NPM2: variants seen among roughly 807,000 people sequenced by gnomAD.
NPM2 encodes the protein nucleophosmin/nucleoplasmin 2.
In NPM2, 25 loss-of-function variants were observed where a neutral mutation model predicts 32.0. That is an observed-to-expected ratio of 0.78 (90% confidence interval 0.57 to 1.09). NPM2 has a LOEUF of 1.09. Among genes scored for constraint, NPM2 ranks in the 50% least tolerant of loss-of-function variants. The pLI, the probability that NPM2 is intolerant of heterozygous loss-of-function variation, is 0.00. For synonymous variants in NPM2, 111 were observed against 94.2 expected (o/e 1.18, Z -1.04); for missense variants, 282 against 259.9 (o/e 1.08, Z -0.58).
chr8:22,025,561 G>C (rs376082122), intron 4 of NPM2, 40 bp downstream of exon 4: 148 of 1,613,434 alleles, frequency 9.2e-5, no homozygotes, highest in Non-Finnish European at 1.2e-4. Context: ...TGGTGTCCGG[G>C]AACTTTCTGG....
chr8:22,033,233 A>G lies in NPM2; in HGVS notation c.364+10A>G. 1 of 1,611,138 alleles carries G rather than the reference A, an allele frequency of 6.2e-7. No homozygotes were observed. The highest frequency in any genetic ancestry group is 1.3e-5 in the African/African-American group (1 of 74,940). On this transcript the variant is annotated intron_variant, in intron 6 of 9. Coordinates refer to ENST00000518119, the MANE Select transcript of NPM2 (RefSeq NM_001286680.2). ...GGCCAGGAACGTTATGGTAAGTCAGAGCCTGCGATCAGGAAGGTCCGTGAG... is the reference window on the plus strand; with the variant it reads ...GGCCAGGAACGTTATGGTAAGTCAGGGCCTGCGATCAGGAAGGTCCGTGAG...
At chr8:22,035,981 G>A (rs552184595) in intron 8 of NPM2, among the ~76,000 whole-genome samples, 1 of 146,952 alleles carries the variant, frequency 6.8e-6, no homozygotes, top group African/African-American at 2.5e-5. Flanking sequence ...AACCCTGAAA[G>A]AAAATACACC....
At position 22,036,849 on chromosome 8, in the gene NPM2, C is replaced by G. The variant is rs1233725758; in HGVS notation, c.*167C>G. 1.5e-6 allele frequency: 1 copy of G among 651,232 alleles called. No individual in the cohort carries two copies. Among genetic ancestry groups the G allele is most frequent in the East Asian group, 3.0e-5 (1 of 33,204 alleles). The allele number at this position is 651,232 out of a possible 1,614,324, so 40.3% of individuals were successfully genotyped here. On this transcript the variant is annotated 3_prime_UTR_variant, in exon 10 of 10. Transcript: ENST00000518119. Reference sequence around the variant, plus strand: ...CCAACTCTCCACTTTCAGGAGGCCCCCAGTGAAGAGCCCCACCTCGGGGTC... The same window carrying G: ...CCAACTCTCCACTTTCAGGAGGCCCGCAGTGAAGAGCCCCACCTCGGGGTC...
Position 22,027,153 on chromosome 8 carries a change from T to G in NPM2, c.270+1381T>G, listed in dbSNP as rs190000848. ...GCCCTTTTTTTTACCTGTATACATG[T>G]GAGGTTGGCCTATAAGTGATAGTAT... On this transcript the variant is annotated intron_variant, in intron 5 of 9. Coordinates refer to ENST00000518119, the MANE Select transcript of NPM2 (RefSeq NM_001286680.2). Among the ~76,000 whole-genome samples the G allele has an allele frequency of 1.4e-3, 212 of 152,290 alleles. 1 individual carries two copies. The highest frequency in any genetic ancestry group is 5.8e-3 in the Admixed American group (88 of 15,304).
intron 8 of NPM2, chr8:22,036,289 G>A: frequency 1.8e-6 from 1 of 542,686 alleles, no homozygotes; most frequent in Non-Finnish European, 3.2e-6. Flanking sequence ...ATAACTAAAT[G>A]AAGATGGAAG....
At position 22,025,192 on chromosome 8, in the gene NPM2, C is replaced by T. The variant is rs1800195252; in HGVS notation, c.-33-24C>T. On this transcript the variant is annotated intron_variant, in intron 2 of 9. Coordinates refer to ENST00000518119, the MANE Select transcript of NPM2 (RefSeq NM_001286680.2). ...GAGGGTCAGGGTCAGGGAGCAAGGC[C>T]TCACGCGGGCGCCCTCCTTGCAGCT... 3.8e-6 allele frequency: 6 copies of T among 1,583,480 alleles called. No individual in the cohort carries two copies. In the South Asian group the frequency reaches 4.6e-5, roughly 12 times the overall value.
chr8:22,025,419 C>T lies in NPM2; in HGVS notation c.59-17C>T, dbSNP rs762378148. The T allele has an allele frequency of 1.2e-6, 2 of 1,612,612 alleles. No homozygotes were observed. The highest frequency in any genetic ancestry group is 2.7e-5 in the African/African-American group (2 of 74,900). On this transcript the variant is annotated splice_polypyrimidine_tract_variant and intron_variant, in intron 3 of 9. Coordinates refer to ENST00000518119, the MANE Select transcript of NPM2 (RefSeq NM_001286680.2). The stretch of plus-strand genomic sequence containing the variant: ...AACGAATGGAGGGCCCCACTTCCCT[C>T]CCTTTCTCCTCCGCAGGCTGCGAGC...
chr8:22,031,485 GC>G (rs550811283), intron 5 of NPM2, among the ~76,000 whole-genome samples: 169 of 152,254 alleles, frequency 1.1e-3, no homozygotes, highest in African/African-American at 4.0e-3. Context: ...TTGTTCTGTC[GC>G]CCAGGCTGGC....
At chr8:22,029,335 G>A (rs1229157717) in intron 5 of NPM2, among the ~76,000 whole-genome samples, 1 of 152,088 alleles carries the variant, frequency 6.6e-6, no homozygotes, top group African/African-American at 2.4e-5. Context: ...GTAGAGACAG[G>A]GATTCACCAC....
intron 5 of NPM2, among the ~76,000 whole-genome samples, chr8:22,026,589 G>T (rs1341663137): frequency 6.6e-6 from 1 of 151,774 alleles, no homozygotes; most frequent in African/African-American, 2.4e-5. Flanking sequence ...GGAGTAGCTG[G>T]GATTACAGGT....
chr8:22,028,800 T>C (rs1228659401), intron 5 of NPM2, among the ~76,000 whole-genome samples: 1 of 152,238 alleles, frequency 6.6e-6, no homozygotes, highest in Non-Finnish European at 1.5e-5. Context: ...TTATGTCTTA[T>C]GTTCCAGGTA....
At chr8:22,035,599 G>T (rs1359463631) in intron 8 of NPM2, among the ~76,000 whole-genome samples, 1 of 152,208 alleles carries the variant, frequency 6.6e-6, no homozygotes, top group East Asian at 1.9e-4. Context: ...CATACAGCAG[G>T]ACATAAAGTC....
intron 8 of NPM2, among the ~76,000 whole-genome samples, chr8:22,035,696 A>G (rs1356732805): frequency 6.6e-6 from 1 of 152,148 alleles, no homozygotes; most frequent in Non-Finnish European, 1.5e-5. Flanking sequence ...CACTTTGGGA[A>G]GCCAAGGTGG....
intron 8 of NPM2, among the ~76,000 whole-genome samples, chr8:22,035,766 T>A (rs926261746): frequency 6.6e-6 from 1 of 151,936 alleles, no homozygotes; most frequent in African/African-American, 2.4e-5. Flanking sequence ...AAACCCTGTC[T>A]CTACTAAAAT....
chr8:22,025,506 G>A lies in NPM2; in HGVS notation c.129G>A (p.Arg43=). The change falls in exon 4 of 10, where the codon AGG becomes AGA. Residue 43 remains arginine, a synonymous_variant. Coordinates refer to ENST00000518119, the MANE Select transcript of NPM2 (RefSeq NM_001286680.2). The part of the protein sequence containing the change: ...RPQLEGKQSC[R]LLLHTICLGE... ...AGCTGGAGGGGAAGCAGAGCTGCAG[G>A]CTGTTGCTTCATACGGTAGGTGTTC... 2 of 1,614,146 alleles carry A rather than the reference G, an allele frequency of 1.2e-6. No homozygotes were observed. The highest frequency in any genetic ancestry group is 1.3e-5 in the African/African-American group (1 of 75,054).
At chr8:22,026,433 G>A (rs748267837) in intron 5 of NPM2, among the ~76,000 whole-genome samples, 5 of 147,552 alleles carry the variant, frequency 3.4e-5, no homozygotes, top group Non-Finnish European at 4.5e-5. Context: ...TATAATAATT[G>A]TGAATAATGG....
chr8:22,030,190 A>ATTCTGCTTCTGC (rs1800391723), intron 5 of NPM2, among the ~76,000 whole-genome samples: 1 of 152,048 alleles, frequency 6.6e-6, no homozygotes, highest in Non-Finnish European at 1.5e-5. Context: ...GATCATACTA[A>ATTCTGCTTCTGC]TTCTGCTTCT....
chr8:22,036,304 A>G (rs1800617639), intron 8 of NPM2, 189 bp from the exon 9 acceptor site: 1 of 556,578 alleles, frequency 1.8e-6, no homozygotes, highest in African/African-American at 1.9e-5. Context: ...TGGAAGCCTA[A>G]GGAAAACACA....
In NPM2 at chr8:22,024,483, C is replaced by T. The variant is rs1800161971; in HGVS notation, c.-281C>T. Reference sequence around the variant, plus strand: ...GGTCCGCAATTGGCCGGGACAGCTTCTCACGAAAGGTCCTGGGCCGGCATC... The same window carrying T: ...GGTCCGCAATTGGCCGGGACAGCTTTTCACGAAAGGTCCTGGGCCGGCATC... On this transcript the variant is annotated 5_prime_UTR_variant, in exon 1 of 10. Transcript: ENST00000518119. 1 of 152,556 alleles carries T rather than the reference C, an allele frequency of 6.6e-6. No homozygotes were observed. The highest frequency in any genetic ancestry group is 6.5e-5 in the Admixed American group (1 of 15,284). 9.5% of individuals were successfully genotyped at this position (152,556 alleles called of 1,614,324 possible).
Sources: allele counts gnomAD v4.1 joint callset (sites outside exome capture counted in the v4.1 genomes callset), GRCh38; gene constraint gnomAD v4.1.1; transcripts MANE v1.5; gene names NCBI Gene and HGNC (gene_info 2026-07-23, HGNC 2026-07-21).